The following UGGT2 variants were observed in gnomAD, a reference collection of about 807,000 sequenced individuals.
UGGT2 encodes UDP-glucose glycoprotein glucosyltransferase 2, also known as UDP-glucose:glycoprotein glucosyltransferase 2.
Under a neutral mutation model 192.1 loss-of-function variants are expected in UGGT2, and 180 were observed. The observed-to-expected ratio is 0.94, with a 90% CI of 0.83 to 1.06. The LOEUF (loss-of-function observed/expected upper bound fraction) is 1.06, where lower values mean the gene tolerates loss of function less well. UGGT2 is among the 50% of genes least tolerant of loss of function. The probability of loss-of-function intolerance (pLI) is 0.00; values close to 1 mark genes in which losing one functional copy is unlikely to be tolerated. For synonymous variants in UGGT2, 580 were observed against 591.0 expected, an observed-to-expected ratio of 0.98 and a Z score of 0.27; for missense variants, 1,849 against 1,795.7, an observed-to-expected ratio of 1.03 and a Z score of -0.54.
At chr13:95,932,362 G>A (rs1195327339) in intron 17 of UGGT2, among the ~76,000 whole-genome samples, 5 of 131,954 alleles carry the variant, frequency 3.8e-5, no homozygotes, top group Non-Finnish European at 8.1e-5. Context: ...TATGGCTATT[G>A]TAAATGGGAC....
chr13:95,826,013 G>GA (rs772933562), intron 38 of UGGT2, among the ~76,000 whole-genome samples: 204 of 151,778 alleles, frequency 1.3e-3, no homozygotes, highest in Non-Finnish European at 2.4e-3. Flanking sequence ...TTCAATATTA[G>GA]AAAAAATGAT....
chr13:95,922,320 G>T (rs578047322), intron 20 of UGGT2, among the ~76,000 whole-genome samples: 1 of 152,144 alleles, frequency 6.6e-6, no homozygotes, highest in Non-Finnish European at 1.5e-5. Flanking sequence ...AGGGAGAAAG[G>T]GGGGCCACGA....
At chr13:95,992,584 A>G (rs994659319) in intron 7 of UGGT2, among the ~76,000 whole-genome samples, 4 of 152,164 alleles carry the variant, frequency 2.6e-5, no homozygotes, top group African/African-American at 9.7e-5. Flanking sequence ...TAGGAGCCTT[A>G]TGGCGGAGTC....
rs1885855811 is a variant in UGGT2, at chr13:95,824,819, T to A, written c.4528+8108A>T. On this transcript the variant is annotated intron_variant, in intron 38 of 38. Coordinates refer to ENST00000376747, the MANE Select transcript of UGGT2 (RefSeq NM_020121.4). ...TGGATCCACTGCTGGAGAGACCGTG[T>A]GATCTTTTTTGGGGGTGTTAAAGAA... Among the ~76,000 whole-genome samples the A allele has an allele frequency of 2.6e-5, 4 of 152,200 alleles. No individual in the cohort carries two copies. The South Asian group carries it at 8.3e-4, about 32-fold the overall frequency.
chr13:96,039,618 G>T (rs1266434663), intron 1 of UGGT2, among the ~76,000 whole-genome samples: 1 of 152,144 alleles, frequency 6.6e-6, no homozygotes, highest in African/African-American at 2.4e-5. Flanking sequence ...TCAAGTGTTG[G>T]TTCCTTTTTC....
intron 37 of UGGT2, among the ~76,000 whole-genome samples, chr13:95,833,722 G>C (rs558752917): frequency 9.9e-5 from 15 of 152,278 alleles, no homozygotes; most frequent in East Asian, 9.6e-4. Flanking sequence ...GACGTGAGCT[G>C]TAAGTAAAGA....
At chr13:95,933,845 C>T (rs972397625) in intron 17 of UGGT2, among the ~76,000 whole-genome samples, 1 of 151,910 alleles carries the variant, frequency 6.6e-6, no homozygotes, top group Non-Finnish European at 1.5e-5. Context: ...CCAGGCCCAG[C>T]TAATTTTTTT....
chr13:95,901,475 T>G (rs555720479), intron 21 of UGGT2, among the ~76,000 whole-genome samples: 1 of 152,262 alleles, frequency 6.6e-6, no homozygotes, highest in East Asian at 1.9e-4. Flanking sequence ...CATTGCACCT[T>G]CATACTAAGG....
At chr13:95,849,382 A>G (rs1385189148) in intron 36 of UGGT2, among the ~76,000 whole-genome samples, 2 of 151,778 alleles carry the variant, frequency 1.3e-5, no homozygotes, top group African/African-American at 4.9e-5. Flanking sequence ...TAAAATACAA[A>G]AATACAAAAA....
intron 10 of UGGT2, among the ~76,000 whole-genome samples, chr13:95,974,951 G>A (rs1191285152): frequency 6.6e-6 from 1 of 151,914 alleles, no homozygotes; most frequent in African/African-American, 2.4e-5. Context: ...GTGTGGTGGT[G>A]CATGCCTGTA....
intron 12 of UGGT2, among the ~76,000 whole-genome samples, chr13:95,957,762 C>T (rs540894136): frequency 6.6e-6 from 1 of 152,152 alleles, no homozygotes; most frequent in African/African-American, 2.4e-5. Context: ...TCTAGAAGAG[C>T]CTTGACAATT....
intron 38 of UGGT2, among the ~76,000 whole-genome samples, chr13:95,818,698 T>C (rs918547395): frequency 6.6e-6 from 1 of 152,032 alleles, no homozygotes; most frequent in African/African-American, 2.4e-5. Flanking sequence ...GACTGATTAC[T>C]GGGGAGGCAG....
At chr13:96,001,017 G>A (rs2051783846) in intron 5 of UGGT2, among the ~76,000 whole-genome samples, 1 of 151,992 alleles carries the variant, frequency 6.6e-6, no homozygotes, top group African/African-American at 2.4e-5. Context: ...TAAATATAAG[G>A]CTATAATTTG....
intron 38 of UGGT2, among the ~76,000 whole-genome samples, chr13:95,816,116 C>T (rs1884861120): frequency 6.6e-6 from 1 of 152,212 alleles, no homozygotes; most frequent in Non-Finnish European, 1.5e-5. Context: ...TGTGGAACCA[C>T]ATGAGCCAAT....
chr13:95,932,498 T>C (rs1254584579), intron 17 of UGGT2, among the ~76,000 whole-genome samples: 1 of 152,162 alleles, frequency 6.6e-6, no homozygotes, highest in Non-Finnish European at 1.5e-5. Context: ...AGTTGTCCGG[T>C]GGAGTCTTTA....
chr13:95,944,847 T>A (rs985301631), intron 15 of UGGT2, among the ~76,000 whole-genome samples: 1 of 152,038 alleles, frequency 6.6e-6, no homozygotes, highest in Non-Finnish European at 1.5e-5. Flanking sequence ...TAAAATCTTA[T>A]ATATTTTTAC....
rs367660141 is a variant in UGGT2 at position 96,013,366 on chromosome 13, C to T, written c.601G>A (p.Val201Ile). Reference sequence around the variant, plus strand: ...TCATTTTGAGCTTTTTCAGACAATACTTTGTGAAATGCACTAAATGTTCTA... The same window carrying T: ...TCATTTTGAGCTTTTTCAGACAATATTTTGTGAAATGCACTAAATGTTCTA... ...GTRTFSAFHK[V>I]LSEKAQNEEI... The change falls in exon 5 of 39, where the codon GTA (valine) becomes ATA (isoleucine). Residue 201 changes from valine to isoleucine, a missense_variant. By Grantham distance (29) the Val-to-Ile change is conservative. Coordinates refer to ENST00000376747, the MANE Select transcript of UGGT2 (RefSeq NM_020121.4). 1.9e-6 allele frequency: 3 copies of T among 1,608,224 alleles called. No individual in the cohort carries two copies. Among genetic ancestry groups the T allele is most frequent in the Non-Finnish European group, 2.5e-6 (3 of 1,178,630 alleles).
chr13:96,052,947 G>C (rs1308011456), intron 1 of UGGT2, among the ~76,000 whole-genome samples: 1 of 152,258 alleles, frequency 6.6e-6, no homozygotes, highest in Non-Finnish European at 1.5e-5. Context: ...TAAGACTGAG[G>C]GGGAAAGGAA....
At chr13:96,004,496 A>G (rs1293221782) in intron 5 of UGGT2, among the ~76,000 whole-genome samples, 1 of 152,158 alleles carries the variant, frequency 6.6e-6, no homozygotes, top group East Asian at 1.9e-4. Context: ...GAAGAATAAC[A>G]TCTAGTGTTC....
Sources: allele counts gnomAD v4.1 joint callset (sites outside exome capture counted in the v4.1 genomes callset), GRCh38; gene constraint gnomAD v4.1.1; transcripts MANE v1.5; gene names NCBI Gene and HGNC (gene_info 2026-07-23, HGNC 2026-07-21).